SVIL: variants seen among roughly 807,000 people sequenced by gnomAD.
SVIL encodes supervillin, also known as archvillin.
A neutral mutation model predicts 240.4 loss-of-function variants in SVIL; 101 were observed. The observed-to-expected ratio is 0.42, with a 90% CI of 0.36 to 0.50. The LOEUF is 0.50. SVIL is among the 20% of genes least tolerant of loss of function. The pLI, the probability that SVIL is intolerant of heterozygous loss-of-function variation, is 0.01. For missense variants in SVIL, 2,512 were observed against 2,818.7 expected (o/e 0.89, Z 2.46); for synonymous variants, 999 against 1,100.0 (o/e 0.91, Z 1.82).
At chr10:29,486,756 T>G (rs1947438515) in intron 24 of SVIL, among the ~76,000 whole-genome samples, 199 bp from the exon 25 acceptor site, 1 of 152,238 alleles carries the variant, frequency 6.6e-6, no homozygotes, top group Non-Finnish European at 1.5e-5. Flanking sequence ...ATCAATTCTT[T>G]AGAGCAATAG....
intron 1 of SVIL, among the ~76,000 whole-genome samples, chr10:29,579,914 G>T (rs1245040708): frequency 6.6e-6 from 1 of 152,044 alleles, no homozygotes; most frequent in African/African-American, 2.4e-5. Context: ...GAGGGTCCTG[G>T]AGTATTTAAT....
chr10:29,596,355 C>T (rs1956588505), intron 1 of SVIL, among the ~76,000 whole-genome samples: 1 of 152,142 alleles, frequency 6.6e-6, no homozygotes, highest in African/African-American at 2.4e-5. Context: ...CACCTACAGT[C>T]CCAGCTACTT....
intron 14 of SVIL, 28 bp downstream of exon 14, chr10:29,524,444 A>C: frequency 1.9e-6 from 3 of 1,611,438 alleles, no homozygotes; most frequent in Non-Finnish European, 2.5e-6. Flanking sequence ...CACACACACA[A>C]ACTGCAATCG....
intron 2 of SVIL, among the ~76,000 whole-genome samples, chr10:29,666,356 T>C (rs1959292488): frequency 6.6e-6 from 1 of 152,254 alleles, no homozygotes; most frequent in Non-Finnish European, 1.5e-5. Context: ...TGCCTTTTAA[T>C]AACCATAGAG....
intron 1 of SVIL, among the ~76,000 whole-genome samples, chr10:29,724,282 T>A (rs1290607710): frequency 6.6e-6 from 1 of 151,300 alleles, no homozygotes; most frequent in Non-Finnish European, 1.5e-5. Flanking sequence ...AACTTGTGAC[T>A]TCTTCCAACA....
At chr10:29,466,163 G>GTA (rs1427432120) in intron 33 of SVIL, among the ~76,000 whole-genome samples, 3 of 151,638 alleles carry the variant, frequency 2.0e-5, no homozygotes, top group Admixed American at 1.3e-4. Flanking sequence ...TAGATACTGT[G>GTA]TATATATGCA....
chr10:29,469,118 G>C (rs1023251103), intron 32 of SVIL: 18 of 152,316 alleles, frequency 1.2e-4, no homozygotes, highest in Admixed American at 3.9e-4. Context: ...TGTTTGTTGA[G>C]TGAATATGTG....
chr10:29,558,425 A>G (rs1359367735), intron 3 of SVIL, among the ~76,000 whole-genome samples: 1 of 152,198 alleles, frequency 6.6e-6, no homozygotes, highest in Non-Finnish European at 1.5e-5. Flanking sequence ...CAAACAAATG[A>G]TGACCTCTCA....
At chr10:29,691,779 G>C (rs1961528486) in intron 1 of SVIL, among the ~76,000 whole-genome samples, 1 of 152,172 alleles carries the variant, frequency 6.6e-6, no homozygotes, top group Admixed American at 6.5e-5. Context: ...ATGCTGGAGA[G>C]CAAAGATTAC....
In SVIL at chr10:29,494,918, G is replaced by C; in HGVS notation, c.3837C>G (p.Asn1279Lys). The change falls in exon 20 of 38, where the codon AAC becomes AAG. Residue 1279 changes from asparagine (N) to lysine (K), a missense_variant. By Grantham distance (94) the Asn-to-Lys change is moderately conservative. Coordinates refer to ENST00000355867, the MANE Select transcript of SVIL (RefSeq NM_021738.3). Reference protein sequence around the residue: ...RLETFLRRLNNKVGGMHETVL... With the variant: ...RLETFLRRLNKKVGGMHETVL... Reference sequence around the variant, plus strand: ...CTTCTGGCTTCCAGTAGGTACCTTTGTTATTCAGCCTTCTTAGAAAGGTTT... The same window carrying C: ...CTTCTGGCTTCCAGTAGGTACCTTTCTTATTCAGCCTTCTTAGAAAGGTTT... 2 of 1,613,338 alleles carry C rather than the reference G, an allele frequency of 1.2e-6. No homozygotes were observed. The highest frequency in any genetic ancestry group is 2.2e-5 in the South Asian group (2 of 91,034).
rs1053227387 is a variant in SVIL, at chr10:29,556,632, G to A, written c.-50-1524C>T. 2.0e-5 allele frequency among the ~76,000 whole-genome samples: 3 copies of A among 152,172 alleles called. No homozygotes were observed. In the East Asian group the frequency reaches 5.8e-4, roughly 29 times the overall value. On this transcript the variant is annotated intron_variant, in intron 3 of 37. Transcript: ENST00000355867. Reference sequence around the variant, plus strand: ...TGACTTCAAAAAGGTCTCCCAGTTGGCCTCCCCAGGAATCAGAGTAGCTGG... The same window carrying A: ...TGACTTCAAAAAGGTCTCCCAGTTGACCTCCCCAGGAATCAGAGTAGCTGG...
At chr10:29,621,088 G>A (rs1011535342) in intron 1 of SVIL, among the ~76,000 whole-genome samples, 2 of 151,670 alleles carry the variant, frequency 1.3e-5, no homozygotes, top group Admixed American at 6.6e-5. Context: ...ACAGGTGCAC[G>A]CCCCACCCAT....
At chr10:29,466,804 A>C (rs1554806061) in intron 33 of SVIL, among the ~76,000 whole-genome samples, 1 of 152,208 alleles carries the variant, frequency 6.6e-6, no homozygotes, top group Non-Finnish European at 1.5e-5. Context: ...AGAAATGTGA[A>C]TTCTGTTCTG....
chr10:29,522,045 C>A (rs1231276933), intron 16 of SVIL, among the ~76,000 whole-genome samples: 1 of 152,152 alleles, frequency 6.6e-6, no homozygotes, highest in African/African-American at 2.4e-5. Flanking sequence ...CCCTGTGTAT[C>A]TAAAAGGGGA....
At chr10:29,504,982 A>T (rs1397276265) in intron 17 of SVIL, among the ~76,000 whole-genome samples, 1 of 152,240 alleles carries the variant, frequency 6.6e-6, no homozygotes, top group East Asian at 1.9e-4. Context: ...AAACTGTGGC[A>T]CGTTCAGATA....
intron 36 of SVIL, among the ~76,000 whole-genome samples, chr10:29,461,472 G>T (rs1944256321): frequency 6.6e-6 from 1 of 152,078 alleles, no homozygotes; most frequent in Non-Finnish European, 1.5e-5. Flanking sequence ...GATTCTGTTT[G>T]TTTAAAATTA....
At chr10:29,606,785 T>C (rs1957040139) in intron 1 of SVIL, among the ~76,000 whole-genome samples, 1 of 152,208 alleles carries the variant, frequency 6.6e-6, no homozygotes, top group African/African-American at 2.4e-5. Context: ...GTCAGAGTCT[T>C]GTTCTGTCGC....
intron 1 of SVIL, among the ~76,000 whole-genome samples, chr10:29,693,248 G>A (rs1019018269): frequency 6.9e-6 from 1 of 145,538 alleles, no homozygotes; most frequent in African/African-American, 2.6e-5. Context: ...AGGCAGGGTG[G>A]CCCGAATCCA....
chr10:29,603,912 T>C (rs1956908982), intron 1 of SVIL, among the ~76,000 whole-genome samples: 1 of 152,206 alleles, frequency 6.6e-6, no homozygotes, highest in Admixed American at 6.5e-5. Context: ...AAGCCCACAG[T>C]ACAGTCTTTA....
Sources: allele counts gnomAD v4.1 joint callset (sites outside exome capture counted in the v4.1 genomes callset), GRCh38; gene constraint gnomAD v4.1.1; transcripts MANE v1.5; gene names NCBI Gene and HGNC (gene_info 2026-07-23, HGNC 2026-07-21).